SEC24D: variants seen among roughly 807,000 people sequenced by gnomAD.
SEC24D encodes SEC24 homolog D, COPII component.
SEC24D carries 69 observed loss-of-function variants against 116.9 expected under a neutral mutation model. That is an observed-to-expected ratio of 0.59 (90% CI 0.49 to 0.72). The LOEUF (loss-of-function observed/expected upper bound fraction) is 0.72. SEC24D is among the 30% of genes least tolerant of loss of function. SEC24D has a pLI of 0.00. For missense variants in SEC24D, 1,131 were observed against 1,264.1 expected, an observed-to-expected ratio of 0.89 and a Z score of 1.60; for synonymous variants, 405 against 442.8, an observed-to-expected ratio of 0.91 and a Z score of 1.07.
intron 3 of SEC24D, 108 bp downstream of exon 3, chr4:118,824,512 A>G (rs146038598): frequency 4.9e-6 from 6 of 1,222,418 alleles, no homozygotes; most frequent in Middle Eastern, 4.6e-4. Context: ...GGTGTGTAAC[A>G]TCATCAAAAC....
intron 10 of SEC24D, 146 bp downstream of exon 10, chr4:118,764,656 G>A: frequency 1.9e-6 from 1 of 518,166 alleles, no homozygotes; most frequent in South Asian, 3.3e-5. Context: ...CTAGGAGATG[G>A]GATCTGTGTC....
chr4:118,723,371 A>C lies in SEC24D; in HGVS notation c.*144T>G, dbSNP rs1725241028. ...GCTTTATACCTGAGCACCAAAGCTG[A>C]AGTTCTAAATGCCATCTCTTCCTGG... is the stretch of plus-strand genomic sequence containing the variant. On this transcript the variant is annotated 3_prime_UTR_variant, in exon 23 of 23. Coordinates refer to ENST00000280551, the MANE Select transcript of SEC24D (RefSeq NM_014822.4). 4 of 763,264 alleles carry C rather than the reference A, an allele frequency of 5.2e-6. No individual in the cohort carries two copies. 47.3% of individuals were successfully genotyped at this position (763,264 alleles called of 1,614,324 possible). A position where few individuals can be genotyped will look rare whatever the true frequency, so the allele number is the denominator to read the frequency against.
chr4:118,817,298 GC>G lies in SEC24D; in HGVS notation c.362del (p.Gly121AlafsTer150). The stretch of plus-strand genomic sequence containing the variant: ...TGATTTGCATAGCACTGAGCTGGCT[GC>G]CCAGCTGGGTGACAGATGAAGTGGA... ...PISTSSVTQL[G>X]SQLSAMQINS... On this transcript the variant is annotated frameshift_variant, in exon 4 of 23. Transcript: ENST00000280551. LOFTEE classifies it high-confidence loss of function. 1 of 1,613,104 alleles carries G rather than the reference GC, an allele frequency of 6.2e-7. No homozygotes were observed. The highest frequency in any genetic ancestry group is 8.5e-7 in the Non-Finnish European group (1 of 1,179,422).
At chr4:118,743,161 A>G (rs1004061186) in intron 15 of SEC24D, among the ~76,000 whole-genome samples, 7 of 152,102 alleles carry the variant, frequency 4.6e-5, no homozygotes, top group African/African-American at 1.7e-4. Context: ...TAAAATCCCA[A>G]TAATTTAAAA....
chr4:118,814,170 A>T (rs577118682), intron 6 of SEC24D, among the ~76,000 whole-genome samples: 2 of 152,300 alleles, frequency 1.3e-5, no homozygotes, highest in African/African-American at 4.8e-5. Context: ...ATGCCATAAG[A>T]TTGGCAGCTT....
intron 3 of SEC24D, among the ~76,000 whole-genome samples, chr4:118,824,240 G>A (rs115240535): frequency 3.3e-5 from 5 of 151,820 alleles, no homozygotes; most frequent in Admixed American, 6.6e-5. Flanking sequence ...TTGACTTCCC[G>A]GGCTTACAGG....
At chr4:118,833,359 T>C (rs1730956585) in intron 2 of SEC24D, 1 of 396,878 alleles carries the variant, frequency 2.5e-6, no homozygotes, top group African/African-American at 2.1e-5. Flanking sequence ...AAGTGTTTGT[T>C]TTAGTCTATA....
At chr4:118,807,701 C>A (rs1729734225) in intron 6 of SEC24D, among the ~76,000 whole-genome samples, 1 of 152,178 alleles carries the variant, frequency 6.6e-6, no homozygotes, top group Non-Finnish European at 1.5e-5. Flanking sequence ...CTCCAGCCCC[C>A]AGCTGGTACT....
At chr4:118,737,260 A>G (rs1726007057) in intron 19 of SEC24D, among the ~76,000 whole-genome samples, 1 of 152,266 alleles carries the variant, frequency 6.6e-6, no homozygotes, top group African/African-American at 2.4e-5. Flanking sequence ...AAATCTTCTG[A>G]ATAATAAAGA....
chr4:118,810,137 T>TGTGTGTGTGGGG (rs56961502), intron 6 of SEC24D, among the ~76,000 whole-genome samples: 1 of 104,280 alleles, frequency 9.6e-6, no homozygotes, highest in African/African-American at 3.2e-5. Context: ...TGTGTGTGTG[T>TGTGTGTGTGGGG]CAGAGGGTAT....
chr4:118,743,513 T>A lies in SEC24D; in HGVS notation c.1995+475A>T, dbSNP rs56196577. 6.3e-3 allele frequency among the ~76,000 whole-genome samples: 962 copies of A among 152,202 alleles called. 9 individuals carry two copies. Among genetic ancestry groups the A allele is most frequent in the African/African-American group, 0.022 (909 of 41,528 alleles). On this transcript the variant is annotated intron_variant, in intron 15 of 22. Transcript: ENST00000280551. ...ACACACATTTTACGTGTCCCTTAAA[T>A]CACCTGTAGGTTACTTATTTTTAAA...
intron 6 of SEC24D, among the ~76,000 whole-genome samples, chr4:118,812,850 T>TA (rs1272684561): frequency 6.6e-6 from 1 of 152,016 alleles, no homozygotes; most frequent in African/African-American, 2.4e-5. Flanking sequence ...GACGGCAAAC[T>TA]AAAAGAGCAC....
At position 118,729,531 on chromosome 4, in the gene SEC24D, T is replaced by C. The variant is rs1026952163; in HGVS notation, c.2869-881A>G. On this transcript the variant is annotated intron_variant, in intron 21 of 22. Coordinates refer to ENST00000280551, the MANE Select transcript of SEC24D (RefSeq NM_014822.4). ...ATGGAAAATTCCATCCAAGTACTAC[T>C]GTTCCGGCATTAAAACAAACTACCA... 2.6e-5 allele frequency: 4 copies of C among 152,228 alleles called. No homozygotes were observed. In the East Asian group the frequency reaches 7.7e-4, roughly 29 times the overall value. 9.4% of individuals were successfully genotyped at this position (152,228 alleles called of 1,614,324 possible).
chr4:118,745,999 G>A (rs1317629758), intron 13 of SEC24D, among the ~76,000 whole-genome samples: 1 of 152,134 alleles, frequency 6.6e-6, no homozygotes, highest in East Asian at 1.9e-4. Context: ...AACATAGTGA[G>A]ACTCTTGTCT....
At position 118,763,956 on chromosome 4, in the gene SEC24D, G is replaced by A. The variant is rs73842222; in HGVS notation, c.1296+846C>T. Among the ~76,000 whole-genome samples the A allele has an allele frequency of 2.7e-3, 409 of 152,306 alleles. 1 individual carries two copies. The highest frequency in any genetic ancestry group is 9.7e-3 in the African/African-American group (402 of 41,560). ...GATAAAGACAGAGAAAGTTGCAAAT[G>A]CATATACACAATTAAAATTTCAGCC... On this transcript the variant is annotated intron_variant, in intron 10 of 22. Transcript: ENST00000280551.
At chr4:118,808,246 C>T (rs947887688) in intron 6 of SEC24D, among the ~76,000 whole-genome samples, 12 of 152,172 alleles carry the variant, frequency 7.9e-5, no homozygotes, top group Non-Finnish European at 1.5e-5. Context: ...CAGGCATGAA[C>T]CACTGCACCT....
intron 4 of SEC24D, chr4:118,816,799 C>G (rs1730169911): frequency 4.4e-6 from 2 of 455,902 alleles, no homozygotes; most frequent in South Asian, 3.1e-5. Context: ...CTTTCCTCTC[C>G]TATCTTCTCT....
At position 118,744,058 on chromosome 4, in the gene SEC24D, A is replaced by G. The variant is rs765802706; in HGVS notation, c.1925T>C (p.Val642Ala). 3.1e-6 allele frequency: 5 copies of G among 1,613,762 alleles called. No homozygotes were observed. The South Asian group carries it at 5.5e-5, about 18-fold the overall frequency. ...VTLFLFPSQYVDVASLGLVPQ... is the reference protein window; with the variant it reads ...VTLFLFPSQYADVASLGLVPQ... Reference sequence around the variant, plus strand: ...AACCAGCCCCAGCGAGGCCACGTCCACATACTGACTAGGAAAGAGGAAGAG... The same window carrying G: ...AACCAGCCCCAGCGAGGCCACGTCCGCATACTGACTAGGAAAGAGGAAGAG... Residue 642 changes from valine (V) to alanine (A), a missense_variant, in exon 15 of 23, where the codon GTG (valine) becomes GCG (alanine). Physicochemically the swap from Val to Ala is moderately conservative, Grantham distance 64. Transcript: ENST00000280551.
intron 11 of SEC24D, among the ~76,000 whole-genome samples, chr4:118,757,446 T>G (rs1578404319): frequency 6.6e-6 from 1 of 152,214 alleles, no homozygotes; most frequent in African/African-American, 2.4e-5. Flanking sequence ...AAGTCTTTCC[T>G]ACCACACTGT....
Sources: allele counts gnomAD v4.1 joint callset (sites outside exome capture counted in the v4.1 genomes callset), GRCh38; gene constraint gnomAD v4.1.1; transcripts MANE v1.5; gene names NCBI Gene and HGNC (gene_info 2026-07-23, HGNC 2026-07-21).